The following SPPL3 variants were observed in gnomAD, a reference collection of about 807,000 sequenced individuals.
SPPL3 encodes the protein signal peptide peptidase-like 3.
In SPPL3, 5 loss-of-function variants were observed where a neutral mutation model predicts 42.4. That is an observed-to-expected ratio of 0.12 (90% CI 0.06 to 0.25). The LOEUF (loss-of-function observed/expected upper bound fraction) is 0.25. Among genes scored for constraint, SPPL3 ranks in the 10% least tolerant of loss-of-function variants. SPPL3 has a pLI of 1.00. For missense variants in SPPL3, 235 were observed against 489.0 expected, an observed-to-expected ratio of 0.48 and a Z score of 4.90; for synonymous variants, 195 against 181.8, an observed-to-expected ratio of 1.07 and a Z score of -0.58.
intron 1 of SPPL3, among the ~76,000 whole-genome samples, chr12:120,865,197 A>T (rs1414788328): frequency 6.6e-6 from 1 of 152,188 alleles, no homozygotes; most frequent in African/African-American, 2.4e-5. Flanking sequence ...TACTGTTTTA[A>T]TATAACTGCT....
chr12:120,782,629 C>T (rs1397546651), intron 6 of SPPL3, 26 bp downstream of exon 6: 7 of 1,505,226 alleles, frequency 4.7e-6, no homozygotes, highest in Non-Finnish European at 6.4e-6. Context: ...AGTAAAATTA[C>T]AATTTGTCAC....
chr12:120,899,552 C>T lies in SPPL3; in HGVS notation c.23+4293G>A, dbSNP rs1055773685. Among the ~76,000 whole-genome samples the T allele has an allele frequency of 3.9e-5, 6 of 152,074 alleles. No homozygotes were observed. In the East Asian group the frequency reaches 1.2e-3, roughly 29 times the overall value. On this transcript the variant is annotated intron_variant, in intron 1 of 10. Coordinates refer to ENST00000353487, the MANE Select transcript of SPPL3 (RefSeq NM_139015.5). Reference sequence around the variant, plus strand: ...ACAATATAGTTAGATTAGGCATTTACATGAGATAAGGAAGGAATTATGCAG... The same window carrying T: ...ACAATATAGTTAGATTAGGCATTTATATGAGATAAGGAAGGAATTATGCAG...
intron 6 of SPPL3, among the ~76,000 whole-genome samples, chr12:120,780,067 C>T (rs1030281354): frequency 6.6e-6 from 1 of 150,870 alleles, no homozygotes; most frequent in African/African-American, 2.4e-5. Context: ...TCTCAAGGGG[C>T]TGGGCCTCGT....
intron 2 of SPPL3, among the ~76,000 whole-genome samples, chr12:120,807,589 G>A (rs369981187): frequency 2.0e-5 from 3 of 151,720 alleles, no homozygotes; most frequent in African/African-American, 7.3e-5. Flanking sequence ...CAGGAGAATC[G>A]CTTGAGCCTG....
At chr12:120,806,579 T>G (rs1379530624) in intron 2 of SPPL3, among the ~76,000 whole-genome samples, 1 of 152,100 alleles carries the variant, frequency 6.6e-6, no homozygotes, top group Non-Finnish European at 1.5e-5. Context: ...CCAGGCGCGG[T>G]GGCTCACGCC....
chr12:120,812,889 C>A (rs1287237143), intron 1 of SPPL3, among the ~76,000 whole-genome samples: 1 of 152,146 alleles, frequency 6.6e-6, no homozygotes, highest in African/African-American at 2.4e-5. Context: ...GAACATAACA[C>A]ATTAAATACT....
chr12:120,822,343 GT>G (rs1294154310), intron 1 of SPPL3, among the ~76,000 whole-genome samples: 3 of 152,130 alleles, frequency 2.0e-5, no homozygotes, highest in African/African-American at 7.2e-5. Context: ...AAAAGAACTG[GT>G]TTTTACTGTA....
chr12:120,898,101 C>G (rs1873864376), intron 1 of SPPL3, among the ~76,000 whole-genome samples: 1 of 151,784 alleles, frequency 6.6e-6, no homozygotes. Context: ...TGCTTGAAGT[C>G]AGGAGTTCGA....
intron 6 of SPPL3, among the ~76,000 whole-genome samples, chr12:120,779,161 GTA>G (rs780654097): frequency 1.3e-5 from 2 of 152,178 alleles, no homozygotes; most frequent in Non-Finnish European, 2.9e-5. Flanking sequence ...GTCATACAAA[GTA>G]TATATAGCCT....
intron 3 of SPPL3, among the ~76,000 whole-genome samples, chr12:120,784,861 C>G (rs1185826433): frequency 7.2e-6 from 1 of 138,176 alleles, no homozygotes; most frequent in East Asian, 2.2e-4. Flanking sequence ...ATGACAGGAT[C>G]CAAACCACCA....
rs1201273266 is a variant in SPPL3 at position 120,904,269 on chromosome 12, G to C, written c.-402C>G. 5.8e-6 allele frequency: 1 copy of C among 171,896 alleles called. No homozygotes were observed. The highest frequency in any genetic ancestry group is 1.7e-4 in the East Asian group (1 of 5,872). 10.6% of individuals were successfully genotyped at this position (171,896 alleles called of 1,614,324 possible). A position where few individuals can be genotyped will look rare whatever the true frequency, so the allele number is the denominator to read the frequency against. On this transcript the variant is annotated 5_prime_UTR_variant, in exon 1 of 11. Coordinates refer to ENST00000353487, the MANE Select transcript of SPPL3 (RefSeq NM_139015.5). ...GCTCGGGCGGCGGCGGCGGCGGCCG[G>C]GGGACATGGCCGGCGGGCGGAGGCG...
chr12:120,776,528 G>A (rs1182140912), intron 6 of SPPL3, among the ~76,000 whole-genome samples: 1 of 151,786 alleles, frequency 6.6e-6, no homozygotes, highest in African/African-American at 2.4e-5. Context: ...GCTCTAAAGT[G>A]TATGTTTCCA....
chr12:120,800,312 G>C (rs1870244464), intron 2 of SPPL3, among the ~76,000 whole-genome samples: 1 of 152,128 alleles, frequency 6.6e-6, no homozygotes, highest in African/African-American at 2.4e-5. Context: ...AGACCAGCCT[G>C]GACAACATGG....
At chr12:120,797,255 GCT>G (rs1196965681) in intron 2 of SPPL3, among the ~76,000 whole-genome samples, 1 of 49,670 alleles carries the variant, frequency 2.0e-5, no homozygotes, top group African/African-American at 8.9e-5. Context: ...TCATTTTGCA[GCT>G]CTCTTTTCTT....
intron 1 of SPPL3, among the ~76,000 whole-genome samples, chr12:120,866,498 A>T (rs1455706924): frequency 6.6e-6 from 1 of 152,242 alleles, no homozygotes; most frequent in Non-Finnish European, 1.5e-5. Flanking sequence ...GAATTAACTG[A>T]AATAGTAAGG....
At chr12:120,824,138 A>G (rs11065281) in intron 1 of SPPL3, among the ~76,000 whole-genome samples, 5,352 of 152,158 alleles carry the variant, frequency 0.035, 112 homozygotes, top group South Asian at 0.066. Context: ...CCAAAGTGCT[A>G]GGATTATAGG....
intron 10 of SPPL3, 67 bp downstream of exon 10, chr12:120,766,196 G>C (rs1195319891): frequency 1.1e-5 from 14 of 1,303,220 alleles, no homozygotes; most frequent in Non-Finnish European, 1.3e-5. Context: ...CCAGCGAGGA[G>C]AGTGCAAACC....
intron 6 of SPPL3, among the ~76,000 whole-genome samples, chr12:120,778,919 C>G (rs1869427373): frequency 6.6e-6 from 1 of 152,034 alleles, no homozygotes; most frequent in South Asian, 2.1e-4. Context: ...CAAATTCTAT[C>G]CAAATTGACC....
chr12:120,784,379 T>C, intron 4 of SPPL3, 95 bp downstream of exon 4: 2 of 1,300,004 alleles, frequency 1.5e-6, no homozygotes, highest in East Asian at 2.5e-5. Context: ...AAAACTTACA[T>C]GACATGGTAT....
Sources: gnomAD v4.1 joint callset for allele counts (sites outside exome capture counted in the v4.1 genomes callset) on GRCh38, gnomAD v4.1.1 for gene constraint, MANE v1.5 for transcripts, NCBI Gene and HGNC (gene_info 2026-07-23, HGNC 2026-07-21) for gene names.